WDR35: variants seen among roughly 807,000 people sequenced by gnomAD.
WDR35 encodes WD repeat domain 35.
WDR35 carries 118 observed loss-of-function variants against 158.3 expected under a neutral mutation model. That is an observed-to-expected ratio of 0.75 (90% CI 0.64 to 0.87). The LOEUF is 0.87. Ranked by LOEUF, WDR35 falls within the 40% of genes least tolerant of loss-of-function variation. The pLI is 0.00. For missense variants in WDR35, 1,263 were observed against 1,405.8 expected (o/e 0.90, Z 1.62); for synonymous variants, 448 against 476.1 (o/e 0.94, Z 0.77).
At chr2:19,979,505 G>A (rs149424471) in intron 4 of WDR35, among the ~76,000 whole-genome samples, 3 of 152,150 alleles carry the variant, frequency 2.0e-5, no homozygotes, top group Admixed American at 1.3e-4. Context: ...TTGTATGCAG[G>A]GTAGGAATGA....
chr2:19,956,677 G>A (rs1003039628), intron 11 of WDR35, among the ~76,000 whole-genome samples: 2 of 144,866 alleles, frequency 1.4e-5, no homozygotes, highest in African/African-American at 5.1e-5. Flanking sequence ...CTGGAGTGCA[G>A]TGGCACGGTC....
intron 8 of WDR35, 21 bp downstream of exon 8, chr2:19,973,542 G>A (rs368395138): frequency 2.9e-5 from 46 of 1,613,876 alleles, no homozygotes; most frequent in Non-Finnish European, 3.7e-5. Context: ...AAAGAAAGAA[G>A]ATCAATTTGA....
intron 25 of WDR35, among the ~76,000 whole-genome samples, chr2:19,927,504 TG>T (rs890913206): frequency 6.6e-5 from 10 of 152,140 alleles, no homozygotes; most frequent in Admixed American, 4.6e-4. Flanking sequence ...AATGTTCAGG[TG>T]GTAGATATAA....
chr2:19,984,791 T>C (rs61080426), intron 2 of WDR35, among the ~76,000 whole-genome samples: 1,978 of 152,334 alleles, frequency 0.013, 38 homozygotes, highest in African/African-American at 0.04. Flanking sequence ...TTCATAAAAG[T>C]TGTCAGCAGC....
chr2:19,931,273 G>T lies in WDR35; in HGVS notation c.2960C>A (p.Ser987Ter). Residue 987 changes from serine (S) to a stop codon, truncating the protein, a stop_gained, in exon 24 of 27, where the codon TCA becomes TAA. Coordinates refer to ENST00000281405, the MANE Select transcript of WDR35 (RefSeq NM_020779.4). LOFTEE classifies it high-confidence loss of function. ...AQRGKVKGKS[S>*]EATSALAGLL... ...TTATTTAACGTGCTACTTTACCTCT[G>T]AACTTTTTCCTTTAACTTTTCCTCG... 1.2e-6 allele frequency: 2 copies of T among 1,608,692 alleles called. No homozygotes were observed.
intron 25 of WDR35, among the ~76,000 whole-genome samples, chr2:19,924,491 G>A (rs1186986069): frequency 2.0e-5 from 3 of 152,176 alleles, no homozygotes; most frequent in African/African-American, 4.8e-5. Flanking sequence ...GTGAACCCGG[G>A]AGGCGGAGCT....
chr2:19,949,284 AAGG>A (rs1386265147), intron 13 of WDR35, among the ~76,000 whole-genome samples: 3 of 152,220 alleles, frequency 2.0e-5, no homozygotes. Flanking sequence ...GTGGGCCAGG[AAGG>A]AGGAGTAGTT....
chr2:19,969,430 AT>A (rs765557697), intron 9 of WDR35, 49 bp downstream of exon 9: 2 of 1,571,772 alleles, frequency 1.3e-6, no homozygotes, highest in African/African-American at 1.4e-5. Context: ...CTATAGCAAA[AT>A]TATTTAGTAA....
At chr2:19,973,976 T>C (rs1009874358) in intron 7 of WDR35, among the ~76,000 whole-genome samples, 2 of 151,518 alleles carry the variant, frequency 1.3e-5, no homozygotes, top group African/African-American at 4.9e-5. Flanking sequence ...GAGGAGTTGG[T>C]GCACACCTGT....
At chr2:19,924,968 G>C (rs1670311128) in intron 25 of WDR35, among the ~76,000 whole-genome samples, 1 of 152,192 alleles carries the variant, frequency 6.6e-6, no homozygotes, top group Admixed American at 6.5e-5. Context: ...TAATAAAGAT[G>C]GGAACCTGAT....
At chr2:19,946,147 T>C in intron 15 of WDR35, 151 bp from the exon 16 acceptor site, 1 of 894,100 alleles carries the variant, frequency 1.1e-6, no homozygotes, top group Non-Finnish European at 1.7e-6. Context: ...TTAAATAAAT[T>C]TGATACAAGA....
intron 5 of WDR35, among the ~76,000 whole-genome samples, chr2:19,976,869 G>C (rs1254998913): frequency 6.6e-6 from 1 of 151,686 alleles, no homozygotes; most frequent in African/African-American, 2.4e-5. Context: ...GCCCAGGCTA[G>C]AGTGTAGTGG....
chr2:19,973,734 C>A (rs1672103414), intron 7 of WDR35, 26 bp from the exon 8 acceptor site: 1 of 1,603,176 alleles, frequency 6.2e-7, no homozygotes, highest in Non-Finnish European at 8.5e-7. Context: ...AAAATGAGGT[C>A]ACTGTGGGAA....
At chr2:19,950,849 AAG>A (rs3039204) in intron 13 of WDR35, among the ~76,000 whole-genome samples, 47,199 of 152,024 alleles carry the variant, frequency 0.31, 8,320 homozygotes, top group Middle Eastern at 0.46. Flanking sequence ...TCTAACCTGT[AAG>A]AGAGGAGATG....
chr2:19,974,363 C>T lies in WDR35; in HGVS notation c.736+105G>A, dbSNP rs186022194. 2.8e-3 allele frequency: 3,251 copies of T among 1,179,880 alleles called. 67 individuals are homozygous for T. The African/African-American group carries it at 0.044, about 16-fold the overall frequency. The allele number at this position is 1,179,880 out of a possible 1,614,324, so 73.1% of individuals were successfully genotyped here. A position where few individuals can be genotyped will look rare whatever the true frequency, so the allele number is the denominator to read the frequency against. On this transcript the variant is annotated intron_variant, in intron 7 of 26. Coordinates refer to ENST00000281405, the MANE Select transcript of WDR35 (RefSeq NM_020779.4). Reference sequence around the variant, plus strand: ...GGCAGAAGTTGCCGTGAGCCAAGATCGTGCCACTGCACTCCAGCCTGGGCG... The same window carrying T: ...GGCAGAAGTTGCCGTGAGCCAAGATTGTGCCACTGCACTCCAGCCTGGGCG...
rs193138751 is a variant in WDR35, at chr2:19,968,638, A to G, written c.1008+842T>C. 1.4e-4 allele frequency among the ~76,000 whole-genome samples: 21 copies of G among 152,308 alleles called. 1 individual carries two copies. In the East Asian group the frequency reaches 3.5e-3, roughly 25 times the overall value. ...GAGCACTTCCTTACTTGCTGGGACT[A>G]TAAACTGTTCCAGGCTTACCTTGTA... On this transcript the variant is annotated intron_variant, in intron 9 of 26. Coordinates refer to ENST00000281405, the MANE Select transcript of WDR35 (RefSeq NM_020779.4).
chr2:19,986,640 G>C (rs1045667220), intron 2 of WDR35, among the ~76,000 whole-genome samples: 3 of 152,184 alleles, frequency 2.0e-5, no homozygotes, highest in Admixed American at 6.5e-5. Flanking sequence ...AGAGAGGACT[G>C]ATATTGAAAG....
At chr2:19,935,787 T>C (rs981758331) in intron 20 of WDR35, among the ~76,000 whole-genome samples, 184 bp from the exon 21 acceptor site, 1 of 152,150 alleles carries the variant, frequency 6.6e-6, no homozygotes, top group Non-Finnish European at 1.5e-5. Flanking sequence ...ATTCTAGTTG[T>C]AACATTCCTT....
chr2:19,976,628 AAAAG>A (rs1213597579), intron 5 of WDR35, among the ~76,000 whole-genome samples: 17 of 152,120 alleles, frequency 1.1e-4, no homozygotes, highest in African/African-American at 3.6e-4. Flanking sequence ...TTGTTTAAAA[AAAAG>A]AAAGAAACTG....
Sources: gnomAD v4.1 joint callset for allele counts (sites outside exome capture counted in the v4.1 genomes callset) on GRCh38, gnomAD v4.1.1 for gene constraint, MANE v1.5 for transcripts, NCBI Gene and HGNC (gene_info 2026-07-23, HGNC 2026-07-21) for gene names.